Variants in POLD2 observed in about 807,000 individuals in gnomAD.
POLD2 encodes DNA polymerase delta subunit 2.
A neutral mutation model predicts 48.8 loss-of-function variants in POLD2; 31 were observed. The observed-to-expected ratio is 0.64, with a 90% CI of 0.48 to 0.86. The LOEUF is 0.86. Ranked by LOEUF, POLD2 falls within the 40% of genes least tolerant of loss-of-function variation. POLD2 has a pLI of 0.00. For synonymous variants in POLD2, 233 were observed against 256.3 expected (o/e 0.91, Z 0.87); for missense variants, 455 against 610.1 (o/e 0.75, Z 2.68).
Position 44,115,138 on chromosome 7 carries a change from C to T in POLD2, c.1249+157G>A, listed in dbSNP as rs180998611. Among the ~76,000 whole-genome samples the T allele has an allele frequency of 1.6e-3, 239 of 152,346 alleles. 1 individual carries two copies. The highest frequency in any genetic ancestry group is 5.3e-3 in the African/African-American group (221 of 41,580). The stretch of plus-strand genomic sequence containing the variant: ...CTGCCCAGCTGGCGAGGCAGCTTGG[C>T]TCCCACAGTGAAATGGCAGCTGTGC... On this transcript the variant is annotated intron_variant, in intron 10 of 10. Transcript: ENST00000610533.
rs1381897124 is a variant in POLD2, at chr7:44,116,710, C to T, written c.780+107G>A. 47 of 1,274,694 alleles carry T rather than the reference C, an allele frequency of 3.7e-5. No individual in the cohort carries two copies. Among genetic ancestry groups the T allele is most frequent in the South Asian group, 2.3e-4 (18 of 77,004 alleles). The allele number at this position is 1,274,694 out of a possible 1,614,324, so 79.0% of individuals were successfully genotyped here. ...AGAGTCACTGCAGGGCGCTTCCCAC[C>T]GACCTGCGAGACCTCACAGGGTACC... On this transcript the variant is annotated intron_variant, in intron 6 of 10. Coordinates refer to ENST00000610533, the MANE Select transcript of POLD2 (RefSeq NM_006230.4). The surrounding 1 kb of genome is among the most constrained non-coding windows in gnomAD (Gnocchi z 6.1).
rs756458946 is a variant in POLD2 at position 44,117,147 on chromosome 7, T to G, written c.567A>C (p.Pro189=). ...ADLAPQKPAP[P]LDTDRFVLLV... Reference sequence around the variant, plus strand: ...CTGCTGCTCACCTATCTGTGTCAAGTGGGGGTGCGGGCTTCTGGGGAGCAA... The same window carrying G: ...CTGCTGCTCACCTATCTGTGTCAAGGGGGGGTGCGGGCTTCTGGGGAGCAA... Residue 189 remains proline (P), a synonymous_variant, in exon 5 of 11, where the codon CCA becomes CCC. Coordinates refer to ENST00000610533, the MANE Select transcript of POLD2 (RefSeq NM_006230.4). The G allele has an allele frequency of 3.7e-6, 6 of 1,613,752 alleles. No homozygotes were observed. In the South Asian group the frequency reaches 6.6e-5, roughly 18 times the overall value.
intron 1 of POLD2, chr7:44,123,239 G>A: frequency 7.4e-7 from 1 of 1,346,940 alleles, no homozygotes. Flanking sequence ...GCACTGGCCT[G>A]GGACACAGGC....
In POLD2 at chr7:44,117,948, C is replaced by T. The variant is rs1418978488; in HGVS notation, c.337G>A (p.Glu113Lys). The change falls in exon 3 of 11, where the codon GAG (glutamate) becomes AAG (lysine). Residue 113 changes from glutamate to lysine, a missense_variant. Around this residue, in one of 3 missense-constraint regions of POLD2, gnomAD observed 349 missense variants for 437.4 expected, o/e 0.80. Transcript: ENST00000610533. Reference protein sequence around the residue: ...LQPSILREVSEEHNLLPQPPR... With the variant: ...LQPSILREVSKEHNLLPQPPR... Reference sequence around the variant, plus strand: ...TGTGTAGCACCCTGCCTCACCTCCTCGCTGACCTCCCGCAGGATGGAGGGC... The same window carrying T: ...TGTGTAGCACCCTGCCTCACCTCCTTGCTGACCTCCCGCAGGATGGAGGGC... The T allele has an allele frequency of 7.4e-6, 12 of 1,613,960 alleles. No homozygotes were observed. Among genetic ancestry groups the T allele is most frequent in the South Asian group, 3.3e-5 (3 of 91,074 alleles).
At chr7:44,117,473 G>A (rs2096241959) in intron 4 of POLD2, 146 bp downstream of exon 4, 1 of 1,048,320 alleles carries the variant, frequency 9.5e-7, no homozygotes, top group African/African-American at 1.6e-5. Flanking sequence ...CCGACCGCCT[G>A]GAGCCTCACC....
intron 4 of POLD2, 154 bp downstream of exon 4, chr7:44,117,465 G>A (rs143416628): frequency 6.3e-5 from 61 of 974,478 alleles, no homozygotes; most frequent in Non-Finnish European, 7.8e-5. Flanking sequence ...GATGGCCTCC[G>A]ACCGCCTGGA....
chr7:44,123,787 C>G, upstream of POLD2: 1 of 1,165,676 alleles, frequency 8.6e-7, no homozygotes, highest in Non-Finnish European at 1.1e-6. Context: ...GCCGCGCGTG[C>G]AGGGGTTGGG....
chr7:44,123,320 C>T, intron 1 of POLD2, 191 bp downstream of exon 1: 1 of 1,365,792 alleles, frequency 7.3e-7, no homozygotes, highest in Non-Finnish European at 9.4e-7. Context: ...CGGCAGCAGC[C>T]AGGCCGCGCT....
Position 44,116,655 on chromosome 7 carries a change from G to A in POLD2, c.781-145C>T, listed in dbSNP as rs1418261648. The stretch of plus-strand genomic sequence containing the variant: ...TCCCACCATCCTCAGCGAGGGCCTG[G>A]GCATGAGGAGCCCCATTGCAGGAGG... On this transcript the variant is annotated intron_variant, in intron 6 of 10. Coordinates refer to ENST00000610533, the MANE Select transcript of POLD2 (RefSeq NM_006230.4). This position sits in a 1 kb window ranked among gnomAD's most constrained non-coding sequence, Gnocchi z 6.1. 3 of 1,001,584 alleles carry A rather than the reference G, an allele frequency of 3.0e-6. No homozygotes were observed. Among genetic ancestry groups the A allele is most frequent in the Non-Finnish European group, 4.5e-6 (3 of 669,078 alleles). 62.0% of individuals were successfully genotyped at this position (1,001,584 alleles called of 1,614,324 possible).
Position 44,121,912 on chromosome 7 carries a change from G to A in POLD2, c.142C>T (p.Arg48Trp), listed in dbSNP as rs138987928. 74 of 1,613,726 alleles carry A rather than the reference G, an allele frequency of 4.6e-5. 1 individual carries two copies. Among genetic ancestry groups the A allele is most frequent in the South Asian group, 4.4e-4 (40 of 91,050 alleles). The change falls in exon 2 of 11, where the codon CGG (arginine) becomes TGG (tryptophan). Residue 48 changes from arginine to tryptophan, a missense_variant. Arg to Trp is a moderately radical substitution (Grantham distance 101). Around this residue, in one of 3 missense-constraint regions of POLD2, gnomAD observed 349 missense variants for 437.4 expected, o/e 0.80. Transcript: ENST00000610533. This position sits in a 1 kb window ranked among gnomAD's most constrained non-coding sequence, Gnocchi z 4.5. ...PFRLGERSFSRQYAHIYATRL... is the reference protein window; with the variant it reads ...PFRLGERSFSWQYAHIYATRL... ...GTGGCATAAATGTGGGCATACTGCC[G>A]GCTAAAGCTGCGCTCTCCTAGCCGG...
chr7:44,123,261 G>A (rs1420359596), intron 1 of POLD2: 1 of 1,356,296 alleles, frequency 7.4e-7, no homozygotes, highest in Non-Finnish European at 9.4e-7. Flanking sequence ...CCGCACACGT[G>A]TCTAACGAGT....
At chr7:44,115,452 A>G (rs2096237319) in intron 9 of POLD2, 56 bp from the exon 10 acceptor site, 2 of 1,129,028 alleles carry the variant, frequency 1.8e-6, no homozygotes, top group Non-Finnish European at 2.7e-6. Flanking sequence ...AGCACTCTGC[A>G]CAGGATGTGG....
At position 44,121,801 on chromosome 7, in the gene POLD2, G is replaced by C. The variant is rs777007064; in HGVS notation, c.220+33C>G. 2.5e-6 allele frequency: 4 copies of C among 1,594,340 alleles called. No homozygotes were observed. In the African/African-American group the frequency reaches 5.4e-5, roughly 21 times the overall value. On this transcript the variant is annotated intron_variant, in intron 2 of 10. Transcript: ENST00000610533. The surrounding 1 kb of genome is among the most constrained non-coding windows in gnomAD (Gnocchi z 4.5). Reference sequence around the variant, plus strand: ...GAACACTTCTAAGTTCAGGGATGCTGTGGGGGAAGCACCTTCCCAAACTCT... The same window carrying C: ...GAACACTTCTAAGTTCAGGGATGCTCTGGGGGAAGCACCTTCCCAAACTCT...
chr7:44,117,529 C>A lies in POLD2; in HGVS notation c.466+90G>T, dbSNP rs141432624. On this transcript the variant is annotated intron_variant, in intron 4 of 10. Transcript: ENST00000610533. Reference sequence around the variant, plus strand: ...TGTGCCCAGGCCACACCCCCCCACTCCCCCCAGGCTCCCCACTCACACCAT... The same window carrying A: ...TGTGCCCAGGCCACACCCCCCCACTACCCCCAGGCTCCCCACTCACACCAT... The A allele has an allele frequency of 3.4e-6, 5 of 1,466,206 alleles. No individual in the cohort carries two copies. In the African/African-American group the frequency reaches 5.6e-5, roughly 16 times the overall value. The allele number at this position is 1,466,206 out of a possible 1,614,324, so 90.8% of individuals were successfully genotyped here.
chr7:44,122,262 C>G (rs1267148445), intron 1 of POLD2, 153 bp from the exon 2 acceptor site: 1 of 1,422,942 alleles, frequency 7.0e-7, no homozygotes, highest in East Asian at 2.5e-5. Flanking sequence ...ATTTATCGTG[C>G]CTGGATACCG....
At chr7:44,124,192 C>T (rs1222096452), upstream of POLD2, 1 of 152,254 alleles carries the variant, frequency 6.6e-6, no homozygotes, top group African/African-American at 2.4e-5. Context: ...CCAGTGTCCT[C>T]GTTGTCCCCG....
intron 1 of POLD2, chr7:44,122,474 G>A: frequency 1.9e-6 from 2 of 1,028,318 alleles, no homozygotes; most frequent in Non-Finnish European, 2.3e-6. Context: ...CTCATTTCCA[G>A]ACAAGAGGTC....
rs3087361 is a variant in POLD2 at position 44,114,775 on chromosome 7, C to A, written c.*10G>T. 5.7e-3 allele frequency: 9,100 copies of A among 1,600,450 alleles called. 47 individuals carry two copies. The highest frequency in any genetic ancestry group is 7.7e-3 in the South Asian group (696 of 90,594). Reference sequence around the variant, plus strand: ...ATCTGGGCCTCTCTGGTCAAAACCACTTTTTTGAGTCAGGGGCCCAGCCCC... The same window carrying A: ...ATCTGGGCCTCTCTGGTCAAAACCAATTTTTTGAGTCAGGGGCCCAGCCCC... On this transcript the variant is annotated 3_prime_UTR_variant, in exon 11 of 11. Coordinates refer to ENST00000610533, the MANE Select transcript of POLD2 (RefSeq NM_006230.4).
At position 44,121,746 on chromosome 7, in the gene POLD2, A is replaced by G. The variant is rs2096248420; in HGVS notation, c.220+88T>C. The G allele has an allele frequency of 7.8e-7, 1 of 1,283,424 alleles. No individual in the cohort carries two copies. Among genetic ancestry groups the G allele is most frequent in the South Asian group, 1.5e-5 (1 of 67,060 alleles). The allele number at this position is 1,283,424 out of a possible 1,614,324, so 79.5% of individuals were successfully genotyped here. A position where few individuals can be genotyped will look rare whatever the true frequency, so the allele number is the denominator to read the frequency against. On this transcript the variant is annotated intron_variant, in intron 2 of 10. Transcript: ENST00000610533. The surrounding 1 kb of genome is among the most constrained non-coding windows in gnomAD (Gnocchi z 4.5). ...TCCCAAGGTAACAGGAAGTGGGATC[A>G]ATTAGATAAACTGTTCCCATTCTCT...
Sources: allele counts gnomAD v4.1 joint callset (sites outside exome capture counted in the v4.1 genomes callset), GRCh38; gene constraint gnomAD v4.1.1; regional missense constraint gnomAD v4.1.1; non-coding constraint Gnocchi (gnomAD v3.1); transcripts MANE v1.5; gene names NCBI Gene and HGNC (gene_info 2026-07-23, HGNC 2026-07-21).